Variants in NTNG2 observed in about 807,000 individuals in gnomAD.
NTNG2 encodes netrin-G2.
NTNG2 carries 15 observed loss-of-function variants against 47.6 expected under a neutral mutation model. The ratio of observed to expected loss-of-function variants is 0.32; its 90% CI spans 0.21 to 0.49. The LOEUF (loss-of-function observed/expected upper bound fraction) is 0.49. Among genes scored for constraint, NTNG2 ranks in the 20% least tolerant of loss-of-function variants. NTNG2 has a pLI of 0.99. For synonymous variants in NTNG2, 307 were observed against 324.6 expected (o/e 0.95, Z 0.58); for missense variants, 578 against 764.6 (o/e 0.76, Z 2.88).
chr9:132,168,680 G>A (rs1835675078), intron 2 of NTNG2, among the ~76,000 whole-genome samples: 1 of 152,160 alleles, frequency 6.6e-6, no homozygotes. Flanking sequence ...AAGCCAGGAG[G>A]AAGGCCAGGA....
At chr9:132,179,197 C>T (rs554052027) in intron 2 of NTNG2, among the ~76,000 whole-genome samples, 2 of 152,354 alleles carry the variant, frequency 1.3e-5, no homozygotes, top group African/African-American at 2.4e-5. Flanking sequence ...CTGGATCTGA[C>T]TTCACGTGAT....
chr9:132,178,715 C>T (rs148357601), intron 2 of NTNG2, among the ~76,000 whole-genome samples: 1,647 of 147,888 alleles, frequency 0.011, 27 homozygotes, highest in African/African-American at 0.038. Flanking sequence ...CTGAGGCGGG[C>T]GGATTGTCTG....
intron 3 of NTNG2, among the ~76,000 whole-genome samples, chr9:132,204,087 T>A (rs1288650702): frequency 6.6e-6 from 1 of 152,174 alleles, no homozygotes; most frequent in African/African-American, 2.4e-5. Context: ...TGGGAACCCA[T>A]GGGTTACGTG....
In NTNG2 at chr9:132,162,176, C is replaced by T. The variant is rs1259679707; in HGVS notation, c.-547C>T. 2.0e-5 allele frequency: 3 copies of T among 152,584 alleles called. No homozygotes were observed. Among genetic ancestry groups the T allele is most frequent in the African/African-American group, 7.3e-5 (3 of 41,374 alleles). 9.5% of individuals were successfully genotyped at this position (152,584 alleles called of 1,614,324 possible). ...CGCCAGCCCGAGGGGGGAGGCGCAG[C>T]GCCGGAGGGTGGCGGTCCTCGGCCC... On this transcript the variant is annotated 5_prime_UTR_variant, in exon 1 of 8. Transcript: ENST00000393229. This position sits in a 1 kb window ranked among gnomAD's most constrained non-coding sequence, Gnocchi z 4.6.
At chr9:132,202,283 G>A (rs1365058250) in intron 3 of NTNG2, among the ~76,000 whole-genome samples, 1 of 152,206 alleles carries the variant, frequency 6.6e-6, no homozygotes, top group African/African-American at 2.4e-5. Flanking sequence ...GCACCTGGCT[G>A]CAGAGGAGGA....
At position 132,171,138 on chromosome 9, in the gene NTNG2, AG is replaced by A. The variant is rs1242494979; in HGVS notation, c.213+4096del. Among the ~76,000 whole-genome samples the A allele has an allele frequency of 4.6e-5, 7 of 152,228 alleles. No individual in the cohort carries two copies. The East Asian group carries it at 1.4e-3, about 29-fold the overall frequency. The stretch of plus-strand genomic sequence containing the variant: ...GTGCTTCTGAGCAGGAGCCAGTGGA[AG>A]GTTCCAGAGAGAGGCAGCACTACCT... On this transcript the variant is annotated intron_variant, in intron 2 of 7. Transcript: ENST00000393229.
chr9:132,222,697 C>T (rs1247699613), intron 3 of NTNG2, among the ~76,000 whole-genome samples: 1 of 152,186 alleles, frequency 6.6e-6, no homozygotes, highest in Non-Finnish European at 1.5e-5. Flanking sequence ...TCTCCCACGG[C>T]CCACCCAGGA....
chr9:132,223,913 CA>C (rs1840537361), intron 3 of NTNG2, among the ~76,000 whole-genome samples: 1 of 151,862 alleles, frequency 6.6e-6, no homozygotes, highest in African/African-American at 2.4e-5. Context: ...TGGCCTCCTC[CA>C]CCCCCCAGCC....
At chr9:132,173,131 G>T (rs75165660) in intron 2 of NTNG2, among the ~76,000 whole-genome samples, 57 of 152,246 alleles carry the variant, frequency 3.7e-4, no homozygotes, top group African/African-American at 1.2e-3. Context: ...TGGGATTTGC[G>T]ATTGGATGAA....
intron 5 of NTNG2, among the ~76,000 whole-genome samples, chr9:132,234,158 A>G (rs1252644673): frequency 6.6e-6 from 1 of 151,780 alleles, no homozygotes; most frequent in East Asian, 1.9e-4. Context: ...CCTCCCGAGT[A>G]GCTGGGATTA....
At chr9:132,191,731 C>G (rs944686795) in intron 2 of NTNG2, among the ~76,000 whole-genome samples, 4 of 152,088 alleles carry the variant, frequency 2.6e-5, no homozygotes, top group Non-Finnish European at 4.4e-5. Context: ...GCCGCTACAC[C>G]CGGCTAATTT....
chr9:132,240,576 G>T, intron 6 of NTNG2: 1 of 426,774 alleles, frequency 2.3e-6, no homozygotes, highest in Non-Finnish European at 4.3e-6. Flanking sequence ...GCCACCTGTC[G>T]GAGTCATAGC....
chr9:132,203,484 A>C (rs1225057085), intron 3 of NTNG2, among the ~76,000 whole-genome samples: 1 of 152,214 alleles, frequency 6.6e-6, no homozygotes, highest in African/African-American at 2.4e-5. Flanking sequence ...CTCACAAGAC[A>C]GTGGACCAAA....
chr9:132,229,004 C>G (rs1221158544), intron 4 of NTNG2, among the ~76,000 whole-genome samples: 1 of 152,080 alleles, frequency 6.6e-6, no homozygotes, highest in Non-Finnish European at 1.5e-5. Flanking sequence ...GTCTAGCCAG[C>G]GATGGATAGA....
rs12000428 is a variant in NTNG2, at chr9:132,226,181, G to A, written c.858-668G>A. On this transcript the variant is annotated intron_variant, in intron 3 of 7. Coordinates refer to ENST00000393229, the MANE Select transcript of NTNG2 (RefSeq NM_032536.4). This position sits in a 1 kb window ranked among gnomAD's most constrained non-coding sequence, Gnocchi z 4.8. The stretch of plus-strand genomic sequence containing the variant: ...CCTCATCAACTTTCGGTTACCCCGA[G>A]GTACAGTTTATATAGGACAGGCAGG... Among the ~76,000 whole-genome samples the A allele has an allele frequency of 0.021, 3,242 of 152,246 alleles. 129 individuals are homozygous for A. The highest frequency in any genetic ancestry group is 0.074 in the African/African-American group (3,062 of 41,506).
intron 2 of NTNG2, 91 bp downstream of exon 2, chr9:132,167,135 C>A: frequency 7.2e-7 from 1 of 1,392,412 alleles, no homozygotes; most frequent in Non-Finnish European, 1.0e-6. Context: ...AGCTGGAGGA[C>A]TGAGATGCAA....
chr9:132,203,950 C>T (rs997565457), intron 3 of NTNG2, among the ~76,000 whole-genome samples: 9 of 152,178 alleles, frequency 5.9e-5, no homozygotes, highest in Non-Finnish European at 1.3e-4. Context: ...TATTCAAGCC[C>T]AGTGGGTGGT....
chr9:132,210,468 A>G (rs977734277), intron 3 of NTNG2, among the ~76,000 whole-genome samples: 3 of 152,206 alleles, frequency 2.0e-5, no homozygotes, highest in African/African-American at 7.2e-5. Flanking sequence ...TTCATCAGTC[A>G]ACAGTCATGC....
At chr9:132,239,033 T>TCCTCGCCCTGTCCCTCAGTTTC (rs1334970173) in intron 5 of NTNG2, 71 bp from the exon 6 acceptor site, 1 of 1,515,604 alleles carries the variant, frequency 6.6e-7, no homozygotes, top group Non-Finnish European at 9.1e-7. Flanking sequence ...GGTGAGTCCT[T>TCCTCGCCCTGTCCCTCAGTTTC]CCTCGCCCTG....
Sources: gnomAD v4.1 joint callset for allele counts (sites outside exome capture counted in the v4.1 genomes callset) on GRCh38, gnomAD v4.1.1 for gene constraint, Gnocchi (gnomAD v3.1) non-coding constraint, MANE v1.5 for transcripts, NCBI Gene and HGNC (gene_info 2026-07-23, HGNC 2026-07-21) for gene names.